STK3: variants seen among roughly 807,000 people sequenced by gnomAD.
STK3 encodes the protein serine/threonine kinase 3, also known as serine/threonine-protein kinase 3.
Under a neutral mutation model 58.0 loss-of-function variants are expected in STK3, and 41 were observed. That is an observed-to-expected ratio of 0.71 (90% CI 0.55 to 0.92). The LOEUF (loss-of-function observed/expected upper bound fraction) is 0.92, where lower values mean the gene tolerates loss of function less well. Among genes scored for constraint, STK3 ranks in the 40% least tolerant of loss-of-function variants. The pLI is 0.00. For synonymous variants in STK3, 170 were observed against 191.0 expected (o/e 0.89, Z 0.91); for missense variants, 479 against 602.7 (o/e 0.79, Z 2.15).
intron 3 of STK3, among the ~76,000 whole-genome samples, chr8:98,865,297 G>A (rs189877592): frequency 6.6e-6 from 1 of 152,142 alleles, no homozygotes; most frequent in Non-Finnish European, 1.5e-5. Flanking sequence ...GCCAGAGCTT[G>A]TGTTTCTTCC....
chr8:98,429,461 G>A (rs1438777331), intron 3 of STK3: 2 of 1,399,584 alleles, frequency 1.4e-6, no homozygotes, highest in East Asian at 4.6e-5. Flanking sequence ...GCTGCCTCTT[G>A]TGCCTCTGGC....
chr8:98,893,791 T>C (rs1459645340), intron 1 of STK3, among the ~76,000 whole-genome samples: 1 of 152,214 alleles, frequency 6.6e-6, no homozygotes, highest in African/African-American at 2.4e-5. Context: ...GCCTGTGCCA[T>C]GGAGAAGCTG....
intron 3 of STK3, among the ~76,000 whole-genome samples, chr8:98,850,188 A>T (rs956643019): frequency 1.3e-5 from 2 of 152,140 alleles, no homozygotes; most frequent in South Asian, 2.1e-4. Flanking sequence ...TTTTTTAGAG[A>T]TGGAGTCTAT....
chr8:98,351,462 G>A, the STK3 span, among the ~76,000 whole-genome samples: 1 of 152,032 alleles, frequency 6.6e-6, no homozygotes, highest in Admixed American at 6.6e-5. Context: ...ATGCAATATG[G>A]GATAAAACAA....
At chr8:98,809,307 T>C (rs1834078349) in intron 1 of STK3, among the ~76,000 whole-genome samples, 1 of 152,234 alleles carries the variant, frequency 6.6e-6, no homozygotes, top group Non-Finnish European at 1.5e-5. Context: ...GGAAGTCTTA[T>C]ACAACTCAGT....
chr8:98,508,355 T>C (rs1407632813), intron 10 of STK3, among the ~76,000 whole-genome samples: 2 of 151,960 alleles, frequency 1.3e-5, no homozygotes, highest in Non-Finnish European at 2.9e-5. Flanking sequence ...ACTAGAAAGG[T>C]AGAAGGAATA....
intron 10 of STK3, among the ~76,000 whole-genome samples, chr8:98,485,369 G>A (rs1259284358): frequency 6.6e-6 from 1 of 152,194 alleles, no homozygotes; most frequent in Non-Finnish European, 1.5e-5. Flanking sequence ...ATTCACTTTA[G>A]TCAGCTAAAT....
downstream of STK3, among the ~76,000 whole-genome samples, chr8:98,369,260 A>T (rs1030912911): frequency 6.6e-6 from 1 of 152,198 alleles, no homozygotes; most frequent in Non-Finnish European, 1.5e-5. Context: ...GGTATTTGGG[A>T]GTTAGGACCC....
chr8:98,882,663 T>C (rs3019287), downstream of STK3: 145,852 of 152,326 alleles, frequency 0.96, 69,893 homozygotes, highest in East Asian at 1. Context: ...GTGATCCACC[T>C]GCCTCGGCCT....
At chr8:98,912,882 G>GT (rs1004665004) in intron 1 of STK3, among the ~76,000 whole-genome samples, 6 of 151,656 alleles carry the variant, frequency 4.0e-5, no homozygotes, top group Non-Finnish European at 7.4e-5. Context: ...TTTGTTTTTT[G>GT]TTTTTTTGAC....
At chr8:98,770,357 A>G (rs898902566) in intron 2 of STK3, among the ~76,000 whole-genome samples, 8 of 152,204 alleles carry the variant, frequency 5.3e-5, no homozygotes. Context: ...AAGTTGCAAG[A>G]TTTTGCCAAT....
intron 1 of STK3, among the ~76,000 whole-genome samples, chr8:98,918,661 A>G (rs1839436535): frequency 6.6e-6 from 1 of 152,082 alleles, no homozygotes; most frequent in South Asian, 2.1e-4. Flanking sequence ...TCAGCTACTC[A>G]GAAGGCTGAG....
intron 3 of STK3, among the ~76,000 whole-genome samples, chr8:98,404,216 T>C (rs1037993293): frequency 2.0e-5 from 3 of 152,198 alleles, no homozygotes; most frequent in African/African-American, 7.2e-5. Flanking sequence ...CATCTCTCTA[T>C]GGGACATGCT....
chr8:98,496,397 CCAATT>C (rs1823139399), intron 10 of STK3, among the ~76,000 whole-genome samples: 1 of 152,020 alleles, frequency 6.6e-6, no homozygotes, highest in South Asian at 2.1e-4. Flanking sequence ...ATTAAGAAAA[CCAATT>C]CCATTTACAA....
chr8:98,584,890 A>G (rs1448069506), intron 7 of STK3, among the ~76,000 whole-genome samples: 1 of 151,718 alleles, frequency 6.6e-6, no homozygotes, highest in African/African-American at 2.4e-5. Context: ...AGCTGCATAA[A>G]TGTCTTCTTT....
chr8:98,745,058 A>G (rs958579654), intron 4 of STK3, among the ~76,000 whole-genome samples: 1 of 152,228 alleles, frequency 6.6e-6, no homozygotes. Context: ...TGGCTCCAGC[A>G]GCAAGGTCTT....
intron 6 of STK3, among the ~76,000 whole-genome samples, chr8:98,700,771 G>A (rs909651856): frequency 8.5e-5 from 13 of 152,116 alleles, no homozygotes; most frequent in African/African-American, 3.1e-4. Flanking sequence ...GAAATCATCA[G>A]GTACTTCTCC....
chr8:98,789,331 G>T (rs959742651), intron 1 of STK3, among the ~76,000 whole-genome samples: 1 of 151,884 alleles, frequency 6.6e-6, no homozygotes, highest in Non-Finnish European at 1.5e-5. Context: ...GACAATCTAA[G>T]GCCACACCTC....
Position 98,855,633 on chromosome 8 carries a change from G to C in STK3, c.110+28014C>G, listed in dbSNP as rs145696835. On this transcript the variant is annotated intron_variant, in intron 3 of 12. Transcript: ENST00000523601. ...TTCTTAGATATGATAACAAAAGCAA[G>C]AGCAACACAAGAAAAAATAGATATA... 8.5e-3 allele frequency among the ~76,000 whole-genome samples: 1,296 copies of C among 152,224 alleles called. 12 individuals carry two copies. The highest frequency in any genetic ancestry group is 0.029 in the African/African-American group (1,220 of 41,542).
Sources: allele counts gnomAD v4.1 joint callset (sites outside exome capture counted in the v4.1 genomes callset), GRCh38; gene constraint gnomAD v4.1.1; transcripts MANE v1.5; gene names NCBI Gene and HGNC (gene_info 2026-07-23, HGNC 2026-07-21).